Variants in ARHGAP10 observed in about 807,000 individuals in gnomAD.
ARHGAP10 encodes the protein rho GTPase-activating protein 10.
Under a neutral mutation model 108.6 loss-of-function variants are expected in ARHGAP10, and 87 were observed. The observed-to-expected ratio is 0.80, with a 90% CI of 0.67 to 0.96. The LOEUF (loss-of-function observed/expected upper bound fraction) is 0.96, where lower values mean the gene tolerates loss of function less well. ARHGAP10 is among the 40% of genes least tolerant of loss of function. The pLI, the probability that ARHGAP10 is intolerant of heterozygous loss-of-function variation, is 0.00. For missense variants in ARHGAP10, 939 were observed against 954.5 expected (o/e 0.98, Z 0.21); for synonymous variants, 347 against 341.1 (o/e 1.02, Z -0.19).
rs556624857 is a variant in ARHGAP10 at position 147,814,395 on chromosome 4, A to G, written c.155-8332A>G. 1.7e-3 allele frequency among the ~76,000 whole-genome samples: 264 copies of G among 152,096 alleles called. 1 individual carries two copies. Among genetic ancestry groups the G allele is most frequent in the Non-Finnish European group, 3.3e-3 (224 of 67,988 alleles). On this transcript the variant is annotated intron_variant, in intron 1 of 22. Transcript: ENST00000336498. ...ACAGTAACTGTTGGCTTTGATTGGG[A>G]ACTAAGTTTCTCATTTGTGCCGTGA...
chr4:147,952,505 A>G (rs1738640198), intron 15 of ARHGAP10, among the ~76,000 whole-genome samples: 1 of 152,068 alleles, frequency 6.6e-6, no homozygotes, highest in Admixed American at 6.5e-5. Context: ...TTCTCTAATG[A>G]CTAGTAATGT....
chr4:147,785,083 TAAAAAAA>T (rs368685839), intron 1 of ARHGAP10, among the ~76,000 whole-genome samples: 1 of 118,802 alleles, frequency 8.4e-6, no homozygotes, highest in Non-Finnish European at 1.7e-5. Context: ...GACTATTTTC[TAAAAAAA>T]AAAAAAAAAA....
At chr4:147,791,533 T>C (rs537263191) in intron 1 of ARHGAP10, among the ~76,000 whole-genome samples, 16 of 151,836 alleles carry the variant, frequency 1.1e-4, no homozygotes, top group Non-Finnish European at 1.5e-4. Context: ...TGTGTGTGTG[T>C]GCGCGCGCGT....
intron 13 of ARHGAP10, among the ~76,000 whole-genome samples, chr4:147,930,377 C>A (rs1553963773): frequency 6.6e-6 from 1 of 152,002 alleles, no homozygotes; most frequent in Non-Finnish European, 1.5e-5. Flanking sequence ...ATTTATTTTT[C>A]AATTCATTTG....
At chr4:147,950,941 G>A (rs1273888673) in intron 15 of ARHGAP10, among the ~76,000 whole-genome samples, 1 of 152,060 alleles carries the variant, frequency 6.6e-6, no homozygotes, top group Non-Finnish European at 1.5e-5. Context: ...TGCCAGCTTA[G>A]ATAAATATTA....
At chr4:148,037,801 C>T (rs995370959) in intron 19 of ARHGAP10, among the ~76,000 whole-genome samples, 3 of 150,646 alleles carry the variant, frequency 2.0e-5, no homozygotes, top group Non-Finnish European at 4.4e-5. Flanking sequence ...CGCCACTGCT[C>T]TCCAGCCTGG....
At chr4:147,941,609 T>C (rs1738167323) in intron 14 of ARHGAP10, among the ~76,000 whole-genome samples, 1 of 152,084 alleles carries the variant, frequency 6.6e-6, no homozygotes, top group African/African-American at 2.4e-5. Flanking sequence ...AGAGGAAAGT[T>C]AGAGAATTGA....
At chr4:147,925,558 CAT>C (rs1404594397) in intron 13 of ARHGAP10, among the ~76,000 whole-genome samples, 2 of 152,152 alleles carry the variant, frequency 1.3e-5, no homozygotes, top group African/African-American at 4.8e-5. Context: ...TGGGCACACA[CAT>C]GTTAGATGGA....
Position 147,732,225 on chromosome 4 carries a change from G to C in ARHGAP10, c.-77G>C, listed in dbSNP as rs1728239870. On this transcript the variant is annotated 5_prime_UTR_variant, in exon 1 of 23. Transcript: ENST00000336498. ...CTGTGCTCCCTGAACGCGCGGCGCC[G>C]CACCTGGCAGCGGCCTCGGAGCTCG... The C allele has an allele frequency of 7.2e-6, 10 of 1,396,228 alleles. No homozygotes were observed. The highest frequency in any genetic ancestry group is 9.3e-6 in the Non-Finnish European group (10 of 1,075,200). 86.5% of individuals were successfully genotyped at this position (1,396,228 alleles called of 1,614,324 possible).
chr4:147,939,678 T>C, intron 13 of ARHGAP10, 147 bp from the exon 14 acceptor site: 1 of 719,226 alleles, frequency 1.4e-6, no homozygotes, highest in South Asian at 1.7e-5. Flanking sequence ...AAACAAGTTG[T>C]TAAACACTTG....
chr4:147,877,151 G>C (rs565385774), intron 8 of ARHGAP10, among the ~76,000 whole-genome samples: 10 of 152,194 alleles, frequency 6.6e-5, no homozygotes, highest in Non-Finnish European at 1.0e-4. Flanking sequence ...GTTTGGCTTT[G>C]TCATTTTCCA....
intron 13 of ARHGAP10, among the ~76,000 whole-genome samples, chr4:147,913,530 G>A (rs964857398): frequency 6.6e-6 from 1 of 152,100 alleles, no homozygotes; most frequent in Non-Finnish European, 1.5e-5. Flanking sequence ...CTTGCAGGTG[G>A]CCCCCTTCCC....
At chr4:147,833,884 C>T (rs1733054709) in intron 3 of ARHGAP10, among the ~76,000 whole-genome samples, 1 of 152,066 alleles carries the variant, frequency 6.6e-6, no homozygotes, top group Non-Finnish European at 1.5e-5. Flanking sequence ...GGTTTCGAAG[C>T]TGTGGCAGCC....
At chr4:147,964,946 A>G in intron 16 of ARHGAP10, 78 bp from the exon 17 acceptor site, 1 of 967,424 alleles carries the variant, frequency 1.0e-6, no homozygotes, top group African/African-American at 1.7e-5. Context: ...TGGGAAATAT[A>G]TTTGATTCTG....
chr4:147,939,660 A>G (rs1313416730), intron 13 of ARHGAP10, among the ~76,000 whole-genome samples, 165 bp from the exon 14 acceptor site: 1 of 152,260 alleles, frequency 6.6e-6, no homozygotes, highest in African/African-American at 2.4e-5. Flanking sequence ...ACAGATAAAA[A>G]GCTAGTAAAA....
Position 147,879,339 on chromosome 4 carries a change from G to T in ARHGAP10, c.939+1G>T. On this transcript the variant is annotated splice_donor_variant, in intron 9 of 22. Transcript: ENST00000336498. LOFTEE classifies it high-confidence loss of function. ...TGAGCACAGATCTGGAGGGAAACTT[G>T]TAAGTATTTGATTCAACATAGAATA... is the stretch of plus-strand genomic sequence containing the variant. 1.9e-6 allele frequency: 3 copies of T among 1,611,562 alleles called. No individual in the cohort carries two copies. The highest frequency in any genetic ancestry group is 2.5e-6 in the Non-Finnish European group (3 of 1,178,216).
intron 18 of ARHGAP10, among the ~76,000 whole-genome samples, chr4:147,988,901 T>G (rs1310525309): frequency 6.6e-6 from 1 of 152,218 alleles, no homozygotes; most frequent in Non-Finnish European, 1.5e-5. Flanking sequence ...ATTCCTGAGT[T>G]TGGCCATGGA....
rs914518786 is a variant in ARHGAP10 at position 147,802,398 on chromosome 4, A to G, written c.155-20329A>G. 3.3e-5 allele frequency among the ~76,000 whole-genome samples: 5 copies of G among 152,262 alleles called. No homozygotes were observed. In the East Asian group the frequency reaches 9.6e-4, roughly 29 times the overall value. The stretch of plus-strand genomic sequence containing the variant: ...TTTGCAAACTTGTTTTCTCTAAAGC[A>G]TAATATAGCTGAGCTATGATCCTAA... On this transcript the variant is annotated intron_variant, in intron 1 of 22. Coordinates refer to ENST00000336498, the MANE Select transcript of ARHGAP10 (RefSeq NM_024605.4).
intron 1 of ARHGAP10, among the ~76,000 whole-genome samples, chr4:147,791,569 T>TTTTGTTTG (rs201404112): frequency 1.3e-5 from 2 of 151,336 alleles, no homozygotes; most frequent in Non-Finnish European, 2.9e-5. Context: ...TATATATATA[T>TTTTGTTTG]TTTGTTTGTT....
Sources: allele counts gnomAD v4.1 joint callset (sites outside exome capture counted in the v4.1 genomes callset), GRCh38; gene constraint gnomAD v4.1.1; transcripts MANE v1.5; gene names NCBI Gene and HGNC (gene_info 2026-07-23, HGNC 2026-07-21).